The following MCUR1 variants were observed in gnomAD, a reference collection of about 807,000 sequenced individuals.
MCUR1 encodes mitochondrial calcium uniporter regulator 1.
MCUR1 carries 37 observed loss-of-function variants against 42.0 expected under a neutral mutation model. The observed-to-expected ratio is 0.88, with a 90% CI of 0.68 to 1.16. The LOEUF is 1.16. Ranked by LOEUF, MCUR1 falls within the 50% of genes most tolerant of loss-of-function variation. The probability of loss-of-function intolerance (pLI) is 0.00; values close to 1 mark genes in which losing one functional copy is unlikely to be tolerated. For missense variants in MCUR1, 469 were observed against 468.4 expected (o/e 1.00, Z -0.01); for synonymous variants, 229 against 196.2 (o/e 1.17, Z -1.40).
At position 13,801,317 on chromosome 6, in the gene MCUR1, C is replaced by A. The variant is rs1205754132; in HGVS notation, c.712G>T (p.Glu238Ter). Residue 238 changes from glutamate (E) to a stop codon, truncating the protein, a stop_gained, in exon 4 of 9, where the codon GAA becomes TAA. Coordinates refer to ENST00000379170, the MANE Select transcript of MCUR1 (RefSeq NM_001031713.4). LOFTEE classifies it high-confidence loss of function. ...TTTTCTGCTCTGAGGGCTGAAAATT[C>A]ACTCTTCTCCAAAATAATCATATCC... ...KKDMIILEKS[E>*]FSALRAENEK... 1.2e-6 allele frequency: 2 copies of A among 1,612,944 alleles called. No homozygotes were observed. Among genetic ancestry groups the A allele is most frequent in the African/African-American group, 2.7e-5 (2 of 74,900 alleles).
chr6:13,789,375 C>G lies in MCUR1; in HGVS notation c.*1434G>C, dbSNP rs567427582. On this transcript the variant is annotated 3_prime_UTR_variant, in exon 9 of 9. Coordinates refer to ENST00000379170, the MANE Select transcript of MCUR1 (RefSeq NM_001031713.4). Reference sequence around the variant, plus strand: ...GAGATCACGACAATGCACTCCAGCCCTGCGACAGTGCGAGACTCCGTCTCA... The same window carrying G: ...GAGATCACGACAATGCACTCCAGCCGTGCGACAGTGCGAGACTCCGTCTCA... 2.2e-4 allele frequency: 33 copies of G among 151,622 alleles called. No individual in the cohort carries two copies. Among genetic ancestry groups the G allele is most frequent in the African/African-American group, 8.0e-4 (33 of 41,268 alleles). 9.4% of individuals were successfully genotyped at this position (151,622 alleles called of 1,614,324 possible). A position where few individuals can be genotyped will look rare whatever the true frequency, so the allele number is the denominator to read the frequency against.
At position 13,800,429 on chromosome 6, in the gene MCUR1, G is replaced by A. The variant is rs758876503; in HGVS notation, c.742-47C>T. On this transcript the variant is annotated intron_variant, in intron 4 of 8. Transcript: ENST00000379170. ...GTCATTAGAAAGAACAACATAAAAC[G>A]TAGTAACCAACAAATATTACAATAC... 7.4e-6 allele frequency: 8 copies of A among 1,085,172 alleles called. No individual in the cohort carries two copies. The East Asian group carries it at 7.4e-5, about 10-fold the overall frequency. The allele number at this position is 1,085,172 out of a possible 1,614,324, so 67.2% of individuals were successfully genotyped here.
chr6:13,814,065 G>A lies in MCUR1; in HGVS notation c.365C>T (p.Ala122Val). The A allele has an allele frequency of 1.6e-6, 2 of 1,239,528 alleles. No homozygotes were observed. The highest frequency in any genetic ancestry group is 2.0e-6 in the Non-Finnish European group (2 of 993,758). The allele number at this position is 1,239,528 out of a possible 1,614,324, so 76.8% of individuals were successfully genotyped here. The change falls in exon 1 of 9, where the codon GCC becomes GTC. Residue 122 changes from alanine (A) to valine (V), a missense_variant. Transcript: ENST00000379170. ...CGCCGGGCCGTGGTACTGGGGAAGGGCGCCGGCGGCAGCGGCGACGCCCGG... is the reference window on the plus strand; with the variant it reads ...CGCCGGGCCGTGGTACTGGGGAAGGACGCCGGCGGCAGCGGCGACGCCCGG... ...CSPGVAAAAGALPQYHGPAPA... is the reference protein window; with the variant it reads ...CSPGVAAAAGVLPQYHGPAPA...
rs2113444072 is a variant in MCUR1, at chr6:13,786,738, T to C, written c.*4071A>G. ...AGTATATTAGTCACACAGAATTAAA[T>C]ATTTTAGATAGTAAGAATCTTACAC... On this transcript the variant is annotated 3_prime_UTR_variant, in exon 9 of 9. Transcript: ENST00000379170. 6.6e-6 allele frequency: 1 copy of C among 152,292 alleles called. No individual in the cohort carries two copies. The highest frequency in any genetic ancestry group is 1.9e-4 in the East Asian group (1 of 5,192). 9.4% of individuals were successfully genotyped at this position (152,292 alleles called of 1,614,324 possible).
At chr6:13,792,439 T>G (rs958442986) in intron 7 of MCUR1, among the ~76,000 whole-genome samples, 1 of 152,166 alleles carries the variant, frequency 6.6e-6, no homozygotes, top group African/African-American at 2.4e-5. Flanking sequence ...TTTCAAGAAA[T>G]GGAGTCTTAG....
At chr6:13,807,141 G>A in intron 1 of MCUR1, 97 bp from the exon 2 acceptor site, 1 of 1,335,318 alleles carries the variant, frequency 7.5e-7, no homozygotes, top group Non-Finnish European at 1.0e-6. Flanking sequence ...AAGCCTTCGT[G>A]GTACTTTATA....
At chr6:13,796,375 C>T (rs1759856512) in intron 6 of MCUR1, among the ~76,000 whole-genome samples, 1 of 150,576 alleles carries the variant, frequency 6.6e-6, no homozygotes. Flanking sequence ...GCAATCTCTG[C>T]CTCCTGGGTT....
chr6:13,797,962 G>A (rs1023155727), intron 6 of MCUR1, among the ~76,000 whole-genome samples: 2 of 151,998 alleles, frequency 1.3e-5, no homozygotes, highest in African/African-American at 4.8e-5. Context: ...GACGGAGGTT[G>A]CAGTGGGCAG....
chr6:13,800,373 G>A lies in MCUR1; in HGVS notation c.751C>T (p.Leu251Phe), dbSNP rs761866204. The A allele has an allele frequency of 1.8e-5, 28 of 1,547,066 alleles. No individual in the cohort carries two copies. The highest frequency in any genetic ancestry group is 1.7e-4 in the Middle Eastern group (1 of 5,940). Residue 251 changes from leucine (L) to phenylalanine (F), a missense_variant, in exon 5 of 9, where the codon CTC becomes TTC. Physicochemically the swap from Leu to Phe is conservative, Grantham distance 22. Transcript: ENST00000379170. ...ALRAENEKIKLELHQLKQQVM... is the reference protein window; with the variant it reads ...ALRAENEKIKFELHQLKQQVM... ...TGTTGTTTTAACTGATGTAGTTCGA[G>A]TTTTATTTTCTAAAAACACATAAAA...
intron 1 of MCUR1, among the ~76,000 whole-genome samples, chr6:13,813,185 ACT>A (rs1284213992): frequency 6.6e-6 from 1 of 152,098 alleles, no homozygotes; most frequent in African/African-American, 2.4e-5. Flanking sequence ...GTGTAAGCAC[ACT>A]CTACAATATT....
At chr6:13,802,788 T>C (rs1190530953) in intron 2 of MCUR1, among the ~76,000 whole-genome samples, 1 of 152,258 alleles carries the variant, frequency 6.6e-6, no homozygotes, top group African/African-American at 2.4e-5. Context: ...AATATTTCTT[T>C]AATTTTATAA....
Position 13,788,881 on chromosome 6 carries a change from A to G in MCUR1, c.*1928T>C, listed in dbSNP as rs974154991. ...TCTTTGGACTACACAAACATTCTCT[A>G]AAAGGGCAATGACTTATATTTTCCA... is the stretch of plus-strand genomic sequence containing the variant. On this transcript the variant is annotated 3_prime_UTR_variant, in exon 9 of 9. Transcript: ENST00000379170. The G allele has an allele frequency of 1.3e-5, 2 of 152,242 alleles. No homozygotes were observed. Among genetic ancestry groups the G allele is most frequent in the African/African-American group, 4.8e-5 (2 of 41,448 alleles). 9.4% of individuals were successfully genotyped at this position (152,242 alleles called of 1,614,324 possible).
At chr6:13,809,540 G>C (rs1359931570) in intron 1 of MCUR1, among the ~76,000 whole-genome samples, 2 of 152,048 alleles carry the variant, frequency 1.3e-5, no homozygotes, top group East Asian at 1.9e-4. Flanking sequence ...TCATCTGAGG[G>C]AGGTGGTATA....
chr6:13,800,037 G>A (rs1759955492), intron 5 of MCUR1, among the ~76,000 whole-genome samples: 1 of 151,422 alleles, frequency 6.6e-6, no homozygotes, highest in African/African-American at 2.4e-5. Flanking sequence ...TCACTATGTT[G>A]GCCAAGCTGG....
At chr6:13,798,725 GATAA>G (rs1237376646) in intron 6 of MCUR1, 104 bp downstream of exon 6, 6 of 731,498 alleles carry the variant, frequency 8.2e-6, no homozygotes, top group African/African-American at 3.6e-5. Context: ...CTGATAAACA[GATAA>G]ATATTTAACA....
At chr6:13,810,105 A>AG (rs1327694951) in intron 1 of MCUR1, among the ~76,000 whole-genome samples, 1 of 152,046 alleles carries the variant, frequency 6.6e-6, no homozygotes, top group Non-Finnish European at 1.5e-5. Context: ...CGGGAGGCTG[A>AG]GGCAAGAGAA....
In MCUR1 at chr6:13,787,297, A is replaced by C. The variant is rs969445000; in HGVS notation, c.*3512T>G. On this transcript the variant is annotated 3_prime_UTR_variant, in exon 9 of 9. Transcript: ENST00000379170. Reference sequence around the variant, plus strand: ...GTTTCTGTTTTTCAAGTGTTCAGAGACGAATTCCAGCAAGACTTCTGGTTT... The same window carrying C: ...GTTTCTGTTTTTCAAGTGTTCAGAGCCGAATTCCAGCAAGACTTCTGGTTT... 6.6e-6 allele frequency: 1 copy of C among 152,180 alleles called. No homozygotes were observed. Among genetic ancestry groups the C allele is most frequent in the Non-Finnish European group, 1.5e-5 (1 of 68,038 alleles). The allele number at this position is 152,180 out of a possible 1,614,324, so 9.4% of individuals were successfully genotyped here. A position where few individuals can be genotyped will look rare whatever the true frequency, so the allele number is the denominator to read the frequency against.
rs1002590392 is a variant in MCUR1, at chr6:13,814,502, C to T, written c.-73G>A. 31 of 1,351,350 alleles carry T rather than the reference C, an allele frequency of 2.3e-5. No individual in the cohort carries two copies. The highest frequency in any genetic ancestry group is 2.7e-5 in the Non-Finnish European group (29 of 1,054,944). The allele number at this position is 1,351,350 out of a possible 1,614,324, so 83.7% of individuals were successfully genotyped here. On this transcript the variant is annotated 5_prime_UTR_variant, in exon 1 of 9. Transcript: ENST00000379170. ...TGGCGCCGGCCACGCGCGGTCCAGG[C>T]CCAGAGTCCGACAGCGGGAGCGAGC... is the stretch of plus-strand genomic sequence containing the variant.
rs61659142 is a variant in MCUR1, at chr6:13,806,962, G to A, written c.498C>T (p.Phe166=). 3.6e-3 allele frequency: 5,778 copies of A among 1,613,250 alleles called. 207 individuals carry two copies. In the African/African-American group the frequency reaches 0.069, roughly 19 times the overall value. ...FTSSGSRKLY[F]DTHALVCLLE... is the part of the protein sequence containing the mutation. Reference sequence around the variant, plus strand: ...GTAAGCACACTAAGGCATGAGTGTCGAAGTAGAGTTTCCTGCTCCCAGAAG... The same window carrying A: ...GTAAGCACACTAAGGCATGAGTGTCAAAGTAGAGTTTCCTGCTCCCAGAAG... Residue 166 remains phenylalanine, a synonymous_variant, in exon 2 of 9, where the codon TTC becomes TTT. Coordinates refer to ENST00000379170, the MANE Select transcript of MCUR1 (RefSeq NM_001031713.4).
Sources: gnomAD v4.1 joint callset for allele counts (sites outside exome capture counted in the v4.1 genomes callset) on GRCh38, gnomAD v4.1.1 for gene constraint, MANE v1.5 for transcripts, NCBI Gene and HGNC (gene_info 2026-07-23, HGNC 2026-07-21) for gene names.